SOD2: variants seen among roughly 807,000 people sequenced by gnomAD.
SOD2 encodes superoxide dismutase [Mn], mitochondrial.
SOD2 carries 11 observed loss-of-function variants against 27.0 expected under a neutral mutation model. The observed-to-expected ratio is 0.41, with a 90% confidence interval of 0.26 to 0.67. SOD2 has a LOEUF of 0.67. Ranked by LOEUF, SOD2 falls within the 30% of genes least tolerant of loss-of-function variation. The pLI, the probability that SOD2 is intolerant of heterozygous loss-of-function variation, is 0.34. For synonymous variants in SOD2, 105 were observed against 103.0 expected (o/e 1.02, Z -0.12); for missense variants, 250 against 274.5 (o/e 0.91, Z 0.63).
upstream of SOD2, chr6:159,727,400 G>A (rs1562446961): frequency 8.2e-7 from 1 of 1,223,508 alleles, no homozygotes. Flanking sequence ...GCGGGAGGCG[G>A]GAGGCAGTGG....
intron 1 of SOD2, among the ~76,000 whole-genome samples, chr6:159,743,378 C>T (rs1354897170): frequency 1.3e-5 from 2 of 152,212 alleles, no homozygotes; most frequent in Non-Finnish European, 2.9e-5. Context: ...TTAAAACATA[C>T]TAATCAGGAT....
intron 1 of SOD2, among the ~76,000 whole-genome samples, chr6:159,756,707 T>C (rs1780019051): frequency 6.7e-6 from 1 of 149,464 alleles, no homozygotes; most frequent in Admixed American, 6.8e-5. Flanking sequence ...ACTCAAGTGA[T>C]CCTCCCACTT....
intron 1 of SOD2, among the ~76,000 whole-genome samples, chr6:159,734,263 C>T (rs1050490522): frequency 6.6e-6 from 1 of 151,832 alleles, no homozygotes; most frequent in Non-Finnish European, 1.5e-5. Context: ...GCTCTCCTGC[C>T]TCAGCCTCCC....
At chr6:159,708,879 CAGTAA>C (rs961974194) in intron 1 of SOD2, among the ~76,000 whole-genome samples, 1 of 152,206 alleles carries the variant, frequency 6.6e-6, no homozygotes, top group African/African-American at 2.4e-5. Flanking sequence ...TACAAGACTA[CAGTAA>C]CCAAAACAGC....
At chr6:159,740,851 G>A (rs1343802318) in intron 1 of SOD2, among the ~76,000 whole-genome samples, 1 of 151,830 alleles carries the variant, frequency 6.6e-6, no homozygotes, top group Admixed American at 6.6e-5. Flanking sequence ...ACGGGCATGC[G>A]CCACCATGCC....
At chr6:159,690,586 C>G (rs1232421511) in intron 2 of SOD2, among the ~76,000 whole-genome samples, 1 of 148,786 alleles carries the variant, frequency 6.7e-6, no homozygotes, top group South Asian at 2.2e-4. Context: ...TTTAAAGACA[C>G]CAACTTTTTT....
chr6:159,755,783 T>TC (rs1779991136), intron 1 of SOD2: 2 of 1,036,748 alleles, frequency 1.9e-6, no homozygotes, highest in African/African-American at 1.7e-5. Flanking sequence ...TTTTTTTTTT[T>TC]TTTTTTTGCT....
At chr6:159,704,576 G>A (rs1486161012) in intron 1 of SOD2, among the ~76,000 whole-genome samples, 1 of 152,342 alleles carries the variant, frequency 6.6e-6, no homozygotes, top group African/African-American at 2.4e-5. Context: ...TGAGGCTAGG[G>A]GAGGGGCGCC....
chr6:159,760,258 T>G (rs1028677363), intron 1 of SOD2: 1 of 152,164 alleles, frequency 6.6e-6, no homozygotes, highest in Non-Finnish European at 1.5e-5. Flanking sequence ...ATATGTCAAA[T>G]TTGATGTGCT....
chr6:159,759,766 G>A (rs1239366958), intron 1 of SOD2, among the ~76,000 whole-genome samples: 3 of 152,054 alleles, frequency 2.0e-5, no homozygotes, highest in African/African-American at 4.8e-5. Flanking sequence ...GCTATAATGA[G>A]GACTCCTCAG....
chr6:159,729,697 A>G (rs145231058), upstream of SOD2, among the ~76,000 whole-genome samples: 868 of 152,332 alleles, frequency 5.7e-3, 7 homozygotes, highest in African/African-American at 0.02. Context: ...TTGGAATCAC[A>G]CATGGCAGAT....
chr6:159,702,941 C>T (rs1189345304), intron 1 of SOD2, among the ~76,000 whole-genome samples: 1 of 151,466 alleles, frequency 6.6e-6, no homozygotes, highest in Non-Finnish European at 1.5e-5. Context: ...CTGCTTAATC[C>T]CAGGGGTTCG....
At chr6:159,748,494 C>T (rs1429405639), upstream of SOD2, 17 of 1,483,022 alleles carry the variant, frequency 1.1e-5, no homozygotes, top group Non-Finnish European at 1.5e-5. This position sits in a 1 kb window ranked among gnomAD's most constrained non-coding sequence, Gnocchi z 5.6. Flanking sequence ...AAAAAAGCCA[C>T]ATTCTTACAC....
Position 159,676,449 on chromosome 6 carries a change from G to C in SOD2, c.*6044C>G, listed in dbSNP as rs1779782248. The C allele has an allele frequency of 6.6e-6, 1 of 152,126 alleles. No homozygotes were observed. The highest frequency in any genetic ancestry group is 2.4e-5 in the African/African-American group (1 of 41,416). 9.4% of individuals were successfully genotyped at this position (152,126 alleles called of 1,614,324 possible). ...AGGAAGAGTTCATGTCCTTTATAGG[G>C]ACATGGATGAAGCTGGAAACCATCC... On this transcript the variant is annotated 3_prime_UTR_variant, in exon 5 of 5. Transcript: ENST00000538183.
intron 1 of SOD2, chr6:159,739,083 A>G (rs984014447): frequency 7.9e-6 from 12 of 1,515,680 alleles, no homozygotes; most frequent in Non-Finnish European, 1.1e-5. Context: ...GTCTTTCTAT[A>G]GAACATTATA....
exon 1 of SOD2, chr6:159,727,327 C>T (rs1048286872): frequency 1.6e-6 from 2 of 1,269,834 alleles, no homozygotes; most frequent in Middle Eastern, 2.2e-4. Flanking sequence ...TGAAAGGCGA[C>T]TCTCCTGTGA....
upstream of SOD2, among the ~76,000 whole-genome samples, chr6:159,696,917 G>A (rs1221561607): frequency 6.6e-6 from 1 of 151,992 alleles, no homozygotes; most frequent in Non-Finnish European, 1.5e-5. Context: ...TGTGCCTGCA[G>A]TCCTAGCTAC....
intron 1 of SOD2, chr6:159,753,271 A>G (rs3822849): frequency 0.25 from 191,595 of 764,042 alleles, 26,542 homozygotes; most frequent in African/African-American, 0.45. Flanking sequence ...GTTTATTTTT[A>G]CTGCTGTGTT....
chr6:159,728,425 C>T (rs1001439910), upstream of SOD2, among the ~76,000 whole-genome samples: 2 of 132,002 alleles, frequency 1.5e-5, no homozygotes, highest in African/African-American at 6.6e-5. Context: ...AAAAACAAAA[C>T]AAAACAAAAA....
Sources: gnomAD v4.1 joint callset for allele counts (sites outside exome capture counted in the v4.1 genomes callset) on GRCh38, gnomAD v4.1.1 for gene constraint, Gnocchi (gnomAD v3.1) non-coding constraint, MANE v1.5 for transcripts, NCBI Gene and HGNC (gene_info 2026-07-23, HGNC 2026-07-21) for gene names.